The following NAALADL2 variants were observed in gnomAD, a reference collection of about 807,000 sequenced individuals.
The protein encoded by NAALADL2 is inactive N-acetylated-alpha-linked acidic dipeptidase-like protein 2.
NAALADL2 carries 76 observed loss-of-function variants against 87.2 expected under a neutral mutation model. The ratio of observed to expected loss-of-function variants is 0.87; its 90% CI spans 0.72 to 1.05. The LOEUF (loss-of-function observed/expected upper bound fraction) is 1.05, where lower values mean the gene tolerates loss of function less well. Ranked by LOEUF, NAALADL2 falls within the 50% of genes least tolerant of loss-of-function variation. The pLI, the probability that NAALADL2 is intolerant of heterozygous loss-of-function variation, is 0.00. For missense variants in NAALADL2, 1,089 were observed against 945.8 expected, an observed-to-expected ratio of 1.15 and a Z score of -1.99; for synonymous variants, 354 against 331.0, an observed-to-expected ratio of 1.07 and a Z score of -0.75.
intron 1 of NAALADL2, among the ~76,000 whole-genome samples, chr3:174,892,154 T>G (rs1314203533): frequency 1.3e-5 from 2 of 152,132 alleles, no homozygotes; most frequent in Non-Finnish European, 2.9e-5. Context: ...AACTCTTCAA[T>G]ATCCAGACAC....
At chr3:175,255,887 C>T (rs144893646) in intron 3 of NAALADL2, among the ~76,000 whole-genome samples, 75 of 152,180 alleles carry the variant, frequency 4.9e-4, no homozygotes, top group African/African-American at 1.7e-3. Flanking sequence ...GTATTCTGCA[C>T]GACTCAAGGA....
intron 2 of NAALADL2, among the ~76,000 whole-genome samples, chr3:174,637,318 G>A (rs1315409860): frequency 6.6e-6 from 1 of 151,944 alleles, no homozygotes; most frequent in Non-Finnish European, 1.5e-5. Flanking sequence ...AATAACTAAA[G>A]GAGAGGACTT....
chr3:174,611,314 A>G (rs1260489476), intron 2 of NAALADL2, among the ~76,000 whole-genome samples: 1 of 152,064 alleles, frequency 6.6e-6, no homozygotes, highest in Non-Finnish European at 1.5e-5. Flanking sequence ...TTAAAGTATA[A>G]TAATAATAAA....
At chr3:175,660,068 C>T (rs1184402006) in intron 11 of NAALADL2, among the ~76,000 whole-genome samples, 2 of 152,120 alleles carry the variant, frequency 1.3e-5, no homozygotes, top group Non-Finnish European at 2.9e-5. Flanking sequence ...AAAAATGGTG[C>T]TTTCCTGGTA....
rs1050907483 is a variant in NAALADL2, at chr3:175,026,494, A to G, written c.44-70296A>G. On this transcript the variant is annotated intron_variant, in intron 1 of 13. Coordinates refer to ENST00000454872, the MANE Select transcript of NAALADL2 (RefSeq NM_207015.3). ...ACCCCGTCTCTACTAAAAAAAAAAA[A>G]AAAAAAAAAAATTAGCCATACGTGG... 2.6e-5 allele frequency among the ~76,000 whole-genome samples: 4 copies of G among 151,432 alleles called. 1 individual carries two copies. Among genetic ancestry groups the G allele is most frequent in the Non-Finnish European group, 5.9e-5 (4 of 67,846 alleles).
intron 2 of NAALADL2, among the ~76,000 whole-genome samples, chr3:174,671,960 T>C (rs909726082): frequency 6.6e-6 from 1 of 151,094 alleles, no homozygotes; most frequent in Non-Finnish European, 1.5e-5. Context: ...ATGATGATGA[T>C]GACAGTGGTG....
intron 9 of NAALADL2, among the ~76,000 whole-genome samples, chr3:175,557,328 A>G (rs898308862): frequency 1.3e-5 from 2 of 152,196 alleles, no homozygotes; most frequent in African/African-American, 4.8e-5. Context: ...GCAAGCATGA[A>G]GTGTGTAATA....
At chr3:175,063,111 A>G (rs978117106) in intron 1 of NAALADL2, among the ~76,000 whole-genome samples, 4 of 152,174 alleles carry the variant, frequency 2.6e-5, no homozygotes, top group Non-Finnish European at 5.9e-5. Context: ...GTTTTGAGAA[A>G]GTCAACTAGT....
At chr3:175,199,097 T>A (rs1374246793) in intron 2 of NAALADL2, among the ~76,000 whole-genome samples, 1 of 152,192 alleles carries the variant, frequency 6.6e-6, no homozygotes, top group East Asian at 1.9e-4. Context: ...AACGGGATTG[T>A]ATTCATCAGC....
intron 11 of NAALADL2, among the ~76,000 whole-genome samples, chr3:175,650,821 A>G (rs997525761): frequency 3.3e-5 from 5 of 152,208 alleles, no homozygotes; most frequent in African/African-American, 1.2e-4. Context: ...TGTCAAATAT[A>G]CTAGGAAAGG....
rs200269579 is a variant in NAALADL2 at position 175,806,690 on chromosome 3, C to CTTTTT, written c.*3507_*3511dup. On this transcript the variant is annotated 3_prime_UTR_variant, in exon 14 of 14. Coordinates refer to ENST00000454872, the MANE Select transcript of NAALADL2 (RefSeq NM_207015.3). ...TGTTTTAGAATTTTTCCCATGTATC[C>CTTTTT]TTTTTTTTTTTTTTTTTTTTTTTTA... The CTTTTT allele has an allele frequency of 3.3e-5, 4 of 119,454 alleles. No homozygotes were observed. Among genetic ancestry groups the CTTTTT allele is most frequent in the Non-Finnish European group, 5.3e-5 (3 of 56,342 alleles). 7.4% of individuals were successfully genotyped at this position (119,454 alleles called of 1,614,324 possible). A position where few individuals can be genotyped will look rare whatever the true frequency, so the allele number is the denominator to read the frequency against.
At chr3:175,013,301 A>ATATATAT (rs1553916905) in intron 1 of NAALADL2, among the ~76,000 whole-genome samples, 2 of 72,066 alleles carry the variant, frequency 2.8e-5, no homozygotes, top group East Asian at 4.1e-4. Context: ...ATATATATAT[A>ATATATAT]TTTTTTTTTT....
intron 5 of NAALADL2, among the ~76,000 whole-genome samples, chr3:175,371,208 G>A (rs1051757722): frequency 6.6e-6 from 1 of 151,808 alleles, no homozygotes; most frequent in African/African-American, 2.4e-5. Flanking sequence ...GTAATGCTTT[G>A]AAAAATGCTG....
At chr3:175,676,078 A>G (rs1209662937) in intron 11 of NAALADL2, 1 of 152,138 alleles carries the variant, frequency 6.6e-6, no homozygotes, top group African/African-American at 2.4e-5. Context: ...CAAGTATTCC[A>G]TATGCTTCAT....
At chr3:175,505,106 T>G (rs1730116272) in intron 9 of NAALADL2, among the ~76,000 whole-genome samples, 1 of 152,002 alleles carries the variant, frequency 6.6e-6, no homozygotes, top group Non-Finnish European at 1.5e-5. Context: ...AATCTCCTAT[T>G]ATGCTGAGAC....
chr3:174,529,421 C>T (rs938636488), intron 1 of NAALADL2, among the ~76,000 whole-genome samples: 2 of 152,192 alleles, frequency 1.3e-5, no homozygotes, highest in African/African-American at 4.8e-5. Flanking sequence ...TTTTCCAGTG[C>T]AGTGTGCAAG....
chr3:174,703,753 C>T (rs975976917), intron 2 of NAALADL2, among the ~76,000 whole-genome samples: 1 of 152,062 alleles, frequency 6.6e-6, no homozygotes, highest in Non-Finnish European at 1.5e-5. Flanking sequence ...GACAGGGGAC[C>T]GAGTTTCCCA....
intron 2 of NAALADL2, among the ~76,000 whole-genome samples, chr3:174,704,655 T>A (rs537294343): frequency 2.6e-5 from 4 of 151,804 alleles, no homozygotes; most frequent in Non-Finnish European, 5.9e-5. Context: ...TATCAATTCA[T>A]ATATACAGGC....
chr3:174,657,477 T>C (rs997080136), intron 2 of NAALADL2, among the ~76,000 whole-genome samples: 1 of 151,990 alleles, frequency 6.6e-6, no homozygotes, highest in Non-Finnish European at 1.5e-5. Flanking sequence ...TTTTAAGACA[T>C]CATGTTTCGG....
Sources: allele counts gnomAD v4.1 joint callset (sites outside exome capture counted in the v4.1 genomes callset), GRCh38; gene constraint gnomAD v4.1.1; transcripts MANE v1.5; gene names NCBI Gene and HGNC (gene_info 2026-07-23, HGNC 2026-07-21).